ST6GALNAC3: variants seen among roughly 807,000 people sequenced by gnomAD.
ST6GALNAC3 encodes the protein alpha-N-acetylgalactosaminide alpha-2,6-sialyltransferase 3.
In ST6GALNAC3, 25 loss-of-function variants were observed where a neutral mutation model predicts 32.7. That is an observed-to-expected ratio of 0.76 (90% CI 0.56 to 1.07). The LOEUF is 1.07. Ranked by LOEUF, ST6GALNAC3 falls within the 50% of genes least tolerant of loss-of-function variation. ST6GALNAC3 has a pLI of 0.00. For synonymous variants in ST6GALNAC3, 129 were observed against 133.1 expected, an observed-to-expected ratio of 0.97 and a Z score of 0.21; for missense variants, 355 against 382.4, an observed-to-expected ratio of 0.93 and a Z score of 0.60.
chr1:76,159,729 CAACAT>C (rs1338884658), intron 1 of ST6GALNAC3, among the ~76,000 whole-genome samples: 1 of 152,176 alleles, frequency 6.6e-6, no homozygotes, highest in African/African-American at 2.4e-5. Context: ...AAGTATAACA[CAACAT>C]AATGTCTGAA....
intron 3 of ST6GALNAC3, among the ~76,000 whole-genome samples, chr1:76,471,465 T>A (rs1165114951): frequency 2.0e-5 from 3 of 152,168 alleles, no homozygotes; most frequent in African/African-American, 7.2e-5. Flanking sequence ...CAGTAAGCGA[T>A]AAGCTCAGTG....
intron 2 of ST6GALNAC3, among the ~76,000 whole-genome samples, chr1:76,336,608 T>G (rs1647496501): frequency 6.6e-6 from 1 of 152,164 alleles, no homozygotes; most frequent in South Asian, 2.1e-4. Context: ...ACTAAGTCAC[T>G]AAAAGTTTAA....
At chr1:76,612,329 T>C (rs1647989108) in intron 3 of ST6GALNAC3, among the ~76,000 whole-genome samples, 2 of 152,150 alleles carry the variant, frequency 1.3e-5, no homozygotes, top group African/African-American at 2.4e-5. Flanking sequence ...CCAAGCCACC[T>C]TGTGGCCCAG....
At chr1:76,476,802 C>T (rs1170453701) in intron 3 of ST6GALNAC3, among the ~76,000 whole-genome samples, 1 of 152,148 alleles carries the variant, frequency 6.6e-6, no homozygotes, top group Non-Finnish European at 1.5e-5. Flanking sequence ...GTCAGCCGGA[C>T]CATCGCCCAC....
chr1:76,190,459 G>A (rs1200442549), intron 1 of ST6GALNAC3, among the ~76,000 whole-genome samples: 1 of 152,078 alleles, frequency 6.6e-6, no homozygotes, highest in East Asian at 1.9e-4. Context: ...AACAAGACAA[G>A]TCAAGTAAAA....
intron 2 of ST6GALNAC3, among the ~76,000 whole-genome samples, chr1:76,359,170 G>T (rs1444553002): frequency 6.6e-6 from 1 of 152,168 alleles, no homozygotes; most frequent in African/African-American, 2.4e-5. Context: ...CCTGAAGACA[G>T]TGGGGAACCA....
At chr1:76,541,695 C>T (rs1178764776) in intron 3 of ST6GALNAC3, among the ~76,000 whole-genome samples, 1 of 152,214 alleles carries the variant, frequency 6.6e-6, no homozygotes, top group East Asian at 1.9e-4. Context: ...GTGCTGCAGT[C>T]ATGCAGAAGT....
At chr1:76,221,421 G>A (rs575587818) in intron 1 of ST6GALNAC3, among the ~76,000 whole-genome samples, 11 of 152,132 alleles carry the variant, frequency 7.2e-5, no homozygotes, top group Middle Eastern at 3.4e-3. Context: ...CTATCACCAC[G>A]ACATGGATCT....
chr1:76,556,029 C>A (rs1246876155), intron 3 of ST6GALNAC3, among the ~76,000 whole-genome samples: 1 of 151,956 alleles, frequency 6.6e-6, no homozygotes, highest in African/African-American at 2.4e-5. Context: ...CAGTCTACTC[C>A]CCCGTCCTCC....
intron 2 of ST6GALNAC3, among the ~76,000 whole-genome samples, chr1:76,322,477 G>A (rs1646985788): frequency 1.3e-5 from 2 of 152,162 alleles, no homozygotes; most frequent in South Asian, 4.1e-4. Context: ...TTGCATTGCA[G>A]CCTGTAATGA....
chr1:76,263,749 C>T (rs939180620), intron 1 of ST6GALNAC3, among the ~76,000 whole-genome samples: 40 of 152,198 alleles, frequency 2.6e-4, no homozygotes, highest in Admixed American at 2.0e-3. Flanking sequence ...CCCTGGCAGT[C>T]GCCATGTTCT....
chr1:76,326,654 G>A (rs979087697), intron 2 of ST6GALNAC3, among the ~76,000 whole-genome samples: 3 of 151,776 alleles, frequency 2.0e-5, no homozygotes, highest in Admixed American at 1.3e-4. Context: ...CTTAAAAAAT[G>A]TTTGCTAAAC....
intron 3 of ST6GALNAC3, among the ~76,000 whole-genome samples, chr1:76,493,806 G>A (rs75904310): frequency 0.066 from 10,000 of 152,132 alleles, 518 homozygotes; most frequent in African/African-American, 0.14. Flanking sequence ...ATTGAATTCA[G>A]CCATTCAGAT....
At chr1:76,350,371 C>G (rs1238157166) in intron 2 of ST6GALNAC3, among the ~76,000 whole-genome samples, 1 of 152,048 alleles carries the variant, frequency 6.6e-6, no homozygotes, top group Non-Finnish European at 1.5e-5. Context: ...TAAACTTTAT[C>G]ATGCTTTTAT....
At chr1:76,385,259 CA>C in intron 2 of ST6GALNAC3, among the ~76,000 whole-genome samples, 1 of 152,002 alleles carries the variant, frequency 6.6e-6, no homozygotes, top group Non-Finnish European at 1.5e-5. Context: ...TTCTTTCCTC[CA>C]AAAAACTTAC....
chr1:76,115,710 C>T (rs1395782388), intron 1 of ST6GALNAC3, among the ~76,000 whole-genome samples: 4 of 152,012 alleles, frequency 2.6e-5, no homozygotes, highest in Admixed American at 2.6e-4. Flanking sequence ...ACAAAGCATC[C>T]CTTATGCCTT....
intron 3 of ST6GALNAC3, among the ~76,000 whole-genome samples, chr1:76,453,579 C>A (rs568042633): frequency 6.6e-6 from 1 of 152,016 alleles, no homozygotes; most frequent in Non-Finnish European, 1.5e-5. Context: ...AATGTATTTG[C>A]GTGGTTCTGA....
chr1:76,140,193 A>C (rs1206924244), intron 1 of ST6GALNAC3, among the ~76,000 whole-genome samples: 1 of 152,154 alleles, frequency 6.6e-6, no homozygotes, highest in Non-Finnish European at 1.5e-5. Context: ...GATTAATCCA[A>C]TGCTCCGTGG....
At chr1:76,215,284 C>T (rs1199943806) in intron 1 of ST6GALNAC3, among the ~76,000 whole-genome samples, 2 of 152,124 alleles carry the variant, frequency 1.3e-5, no homozygotes, top group East Asian at 3.8e-4. Flanking sequence ...TGTAGTTTAA[C>T]CTCATTGTGC....
Sources: allele counts gnomAD v4.1 joint callset (sites outside exome capture counted in the v4.1 genomes callset), GRCh38; gene constraint gnomAD v4.1.1; transcripts MANE v1.5; gene names NCBI Gene and HGNC (gene_info 2026-07-23, HGNC 2026-07-21).